The following BNC2 variants were observed in gnomAD, a reference collection of about 807,000 sequenced individuals.
BNC2 encodes the protein basonuclin zinc finger protein 2, also known as zinc finger protein basonuclin-2.
In BNC2, 20 loss-of-function variants were observed where a neutral mutation model predicts 76.3. The ratio of observed to expected loss-of-function variants is 0.26; its 90% CI spans 0.18 to 0.38. BNC2 has a LOEUF of 0.38. Among genes scored for constraint, BNC2 ranks in the 10% least tolerant of loss-of-function variants. BNC2 has a pLI of 1.00. For synonymous variants in BNC2, 582 were observed against 514.8 expected (o/e 1.13, Z -1.77); for missense variants, 1,382 against 1,399.8 (o/e 0.99, Z 0.20).
intron 5 of BNC2, among the ~76,000 whole-genome samples, chr9:16,490,992 ATGGCTC>A (rs1471541856): frequency 1.3e-5 from 2 of 152,176 alleles, no homozygotes; most frequent in Non-Finnish European, 2.9e-5. Flanking sequence ...TACAGACCAC[ATGGCTC>A]CATATGAGCA....
chr9:16,858,763 G>A (rs746101551), intron 1 of BNC2, among the ~76,000 whole-genome samples: 13 of 151,654 alleles, frequency 8.6e-5, no homozygotes, highest in Non-Finnish European at 1.6e-4. Flanking sequence ...GGAGAATGGC[G>A]TGAACCCGGG....
At chr9:16,590,128 G>A (rs753978171) in intron 3 of BNC2, among the ~76,000 whole-genome samples, 10 of 151,982 alleles carry the variant, frequency 6.6e-5, no homozygotes, top group East Asian at 3.9e-4. Flanking sequence ...TATGTACAGC[G>A]GTAAAAGAAA....
intron 5 of BNC2, among the ~76,000 whole-genome samples, chr9:16,450,365 G>A (rs1360124863): frequency 2.0e-5 from 3 of 152,200 alleles, no homozygotes; most frequent in Non-Finnish European, 2.9e-5. Flanking sequence ...CTATGATTCT[G>A]CAGATTATCA....
rs1439177230 is a variant in BNC2 at position 16,436,522 on chromosome 9, G to A, written c.1672C>T (p.Leu558=). ...PVLQNPLPSQ[L]VFSGLKTVQP... ...ACAGTCTTTAGCCCAGAAAATACTA[G>A]CTGGCTAGGGAGAGGATTTTGCAAG... The change falls in exon 6 of 7, where the codon CTA becomes TTA. Residue 558 remains leucine, a synonymous_variant. Transcript: ENST00000380672. 6.2e-7 allele frequency: 1 copy of A among 1,614,132 alleles called. No homozygotes were observed. Among genetic ancestry groups the A allele is most frequent in the Admixed American group, 1.7e-5 (1 of 60,008 alleles).
chr9:16,844,422 A>G (rs1177172704), intron 1 of BNC2, among the ~76,000 whole-genome samples: 1 of 152,042 alleles, frequency 6.6e-6, no homozygotes, highest in Non-Finnish European at 1.5e-5. Context: ...TTCCTTTAAA[A>G]AAAAAAGATG....
At chr9:16,823,559 C>T (rs1818388185) in intron 1 of BNC2, among the ~76,000 whole-genome samples, 3 of 150,698 alleles carry the variant, frequency 2.0e-5, no homozygotes, top group Non-Finnish European at 4.4e-5. Flanking sequence ...GCTGAGATCA[C>T]ACCACTGCAC....
intron 1 of BNC2, among the ~76,000 whole-genome samples, chr9:16,858,325 A>G (rs889578237): frequency 2.0e-5 from 3 of 152,236 alleles, no homozygotes; most frequent in African/African-American, 7.2e-5. Context: ...GAAACATCAA[A>G]GTAAAACCAG....
chr9:16,493,565 T>A (rs1226081033), intron 5 of BNC2, among the ~76,000 whole-genome samples: 1 of 152,122 alleles, frequency 6.6e-6, no homozygotes, highest in East Asian at 1.9e-4. Flanking sequence ...GTCCCTCCTT[T>A]CTCCAGTTAA....
At position 16,419,417 on chromosome 9, in the gene BNC2, T is replaced by G. The variant is rs201371406; in HGVS notation, c.2872A>C (p.Met958Leu). 4.4e-6 allele frequency: 7 copies of G among 1,605,674 alleles called. No individual in the cohort carries two copies. In the African/African-American group the frequency reaches 9.4e-5, roughly 21 times the overall value. The change falls in exon 7 of 7, where the codon ATG becomes CTG. Residue 958 changes from methionine (M) to leucine (L), a missense_variant. Physicochemically the swap from Met to Leu is conservative, Grantham distance 15 (BLOSUM62 2). Coordinates refer to ENST00000380672, the MANE Select transcript of BNC2 (RefSeq NM_017637.6). ...GYGRGMAEDY[M>L]VLDLSTTSSL... is the part of the protein sequence containing the mutation. The stretch of plus-strand genomic sequence containing the variant: ...GAGGTGGTGCTCAAGTCAAGGACCA[T>G]GTAGTCCTCTGCCATGCCTCTCCCA...
At chr9:16,846,657 C>T (rs1047596231) in intron 1 of BNC2, among the ~76,000 whole-genome samples, 8 of 152,168 alleles carry the variant, frequency 5.3e-5, no homozygotes, top group African/African-American at 1.4e-4. Flanking sequence ...AAACAGTTTG[C>T]GGCCCCAGTC....
At position 16,416,307 on chromosome 9, in the gene BNC2, T is replaced by C. The variant is rs1025387302; in HGVS notation, c.*2682A>G. The C allele has an allele frequency of 6.6e-6, 1 of 152,640 alleles. No individual in the cohort carries two copies. The highest frequency in any genetic ancestry group is 2.4e-5 in the African/African-American group (1 of 41,458). 9.5% of individuals were successfully genotyped at this position (152,640 alleles called of 1,614,324 possible). A position where few individuals can be genotyped will look rare whatever the true frequency, so the allele number is the denominator to read the frequency against. ...CAAAAGCCAGAGTTTCTATAATGTT[T>C]TGTTGGGATATTAAAAATCTTTTCC... is the stretch of plus-strand genomic sequence containing the variant. On this transcript the variant is annotated 3_prime_UTR_variant, in exon 7 of 7. Transcript: ENST00000380672.
intron 3 of BNC2, among the ~76,000 whole-genome samples, chr9:16,691,882 C>G (rs539807020): frequency 6.1e-4 from 91 of 148,706 alleles, no homozygotes; most frequent in African/African-American, 2.3e-3. Context: ...GCAATCTCAG[C>G]TCACTGCAAC....
chr9:16,549,844 C>G (rs1426634054), intron 5 of BNC2, among the ~76,000 whole-genome samples: 1 of 151,872 alleles, frequency 6.6e-6, no homozygotes, highest in Non-Finnish European at 1.5e-5. Flanking sequence ...TAAATAAAAT[C>G]TATATTACAT....
chr9:16,579,157 C>G (rs1819562279), intron 4 of BNC2, among the ~76,000 whole-genome samples: 2 of 152,270 alleles, frequency 1.3e-5, no homozygotes, highest in South Asian at 2.1e-4. Flanking sequence ...ATTCCTTCCT[C>G]CCTTAACTCA....
At chr9:16,791,371 T>G (rs1285597616) in intron 1 of BNC2, among the ~76,000 whole-genome samples, 2 of 152,114 alleles carry the variant, frequency 1.3e-5, no homozygotes, top group Non-Finnish European at 2.9e-5. Flanking sequence ...ACAATTATAG[T>G]TAATGTAACA....
chr9:16,693,846 T>C (rs576721739), intron 3 of BNC2, among the ~76,000 whole-genome samples: 1 of 152,334 alleles, frequency 6.6e-6, no homozygotes, highest in South Asian at 2.1e-4. Flanking sequence ...AAAGAAATTA[T>C]GTGGGGACAG....
intron 3 of BNC2, among the ~76,000 whole-genome samples, chr9:16,666,922 A>T (rs1261294459): frequency 6.6e-6 from 1 of 152,064 alleles, no homozygotes; most frequent in Non-Finnish European, 1.5e-5. Context: ...GTCTACAGTT[A>T]AAAAATTCAC....
rs950388680 is a variant in BNC2 at position 16,793,713 on chromosome 9, T to C, written c.4-55228A>G. On this transcript the variant is annotated intron_variant, in intron 1 of 6. Transcript: ENST00000380672. ...GGGAGTCTCACTCTGTCCCCCAGGC[T>C]TGAGTGCAGTGGCGTGATCTGGGCT... Among the ~76,000 whole-genome samples the C allele has an allele frequency of 3.8e-5, 5 of 130,564 alleles. 1 individual carries two copies. The highest frequency in any genetic ancestry group is 1.4e-4 in the African/African-American group (5 of 35,076). The allele number at this position is 130,564 out of a possible 152,430, so 85.7% of individuals were successfully genotyped here. A position where few individuals can be genotyped will look rare whatever the true frequency, so the allele number is the denominator to read the frequency against.
At chr9:16,700,531 A>T (rs1823478069) in intron 3 of BNC2, among the ~76,000 whole-genome samples, 1 of 152,176 alleles carries the variant, frequency 6.6e-6, no homozygotes, top group Non-Finnish European at 1.5e-5. Flanking sequence ...GCTGGACTCA[A>T]AACTCCTCGG....
Sources: gnomAD v4.1 joint callset for allele counts (sites outside exome capture counted in the v4.1 genomes callset) on GRCh38, gnomAD v4.1.1 for gene constraint, MANE v1.5 for transcripts, NCBI Gene and HGNC (gene_info 2026-07-23, HGNC 2026-07-21) for gene names.